FTO: variants seen among roughly 807,000 people sequenced by gnomAD.
FTO encodes FTO alpha-ketoglutarate dependent dioxygenase.
Under a neutral mutation model 63.9 loss-of-function variants are expected in FTO, and 47 were observed. The ratio of observed to expected loss-of-function variants is 0.74; its 90% CI spans 0.58 to 0.94. FTO has a LOEUF of 0.94. Among genes scored for constraint, FTO ranks in the 40% least tolerant of loss-of-function variants. FTO has a pLI of 0.00. For synonymous variants in FTO, 207 were observed against 224.4 expected (o/e 0.92, Z 0.69); for missense variants, 562 against 618.1 (o/e 0.91, Z 0.96).
chr16:53,725,549 C>T (rs1352765478), intron 1 of FTO, among the ~76,000 whole-genome samples: 1 of 152,170 alleles, frequency 6.6e-6, no homozygotes, highest in African/African-American at 2.4e-5. Flanking sequence ...GCTACATGCT[C>T]ATATAGTACT....
At chr16:54,004,533 A>G (rs765725417) in intron 8 of FTO, among the ~76,000 whole-genome samples, 9 of 152,192 alleles carry the variant, frequency 5.9e-5, no homozygotes, top group Non-Finnish European at 1.2e-4. Context: ...CACCATTATT[A>G]TGAACTAAGC....
At chr16:53,891,363 T>C (rs140250492) in intron 7 of FTO, among the ~76,000 whole-genome samples, 1 of 152,034 alleles carries the variant, frequency 6.6e-6, no homozygotes, top group Non-Finnish European at 1.5e-5. Context: ...TTTTTTATTT[T>C]TTTTAAGTAA....
chr16:53,998,010 C>T (rs12385988), intron 8 of FTO, among the ~76,000 whole-genome samples: 22,619 of 152,102 alleles, frequency 0.15, 2,198 homozygotes, highest in Non-Finnish European at 0.21. Flanking sequence ...CACTGTCTAG[C>T]GCACTTCCTA....
intron 8 of FTO, among the ~76,000 whole-genome samples, chr16:53,983,153 T>G (rs778327643): frequency 6.6e-6 from 1 of 152,128 alleles, no homozygotes; most frequent in African/African-American, 2.4e-5. Context: ...TTATAAAAAA[T>G]ATATCATGAA....
chr16:53,708,462 T>TA (rs2075682299), intron 1 of FTO, among the ~76,000 whole-genome samples: 1 of 152,244 alleles, frequency 6.6e-6, no homozygotes, highest in African/African-American at 2.4e-5. Flanking sequence ...TTTTGACTAT[T>TA]ATGGAAAATG....
intron 8 of FTO, among the ~76,000 whole-genome samples, chr16:54,034,955 G>A (rs572899215): frequency 6.6e-6 from 1 of 152,332 alleles, no homozygotes; most frequent in East Asian, 1.9e-4. Flanking sequence ...AACTAATGAT[G>A]TATGGTCACT....
At chr16:54,064,794 G>A (rs1240652641) in intron 8 of FTO, among the ~76,000 whole-genome samples, 2 of 152,122 alleles carry the variant, frequency 1.3e-5, no homozygotes, top group Non-Finnish European at 2.9e-5. Flanking sequence ...TAAAAAAGAG[G>A]GTGAGCCCCT....
rs545335720 is a variant in FTO, at chr16:53,716,475, C to T, written c.45+12246C>T. On this transcript the variant is annotated intron_variant, in intron 1 of 8. Transcript: ENST00000471389. ...TGGCTGAGTGATCTTGGGCAAGTCA[C>T]CTATTCTCCTTGAGCCTCAATCTTC... is the stretch of plus-strand genomic sequence containing the variant. Among the ~76,000 whole-genome samples, 12 of 152,136 alleles carry T rather than the reference C, an allele frequency of 7.9e-5. No individual in the cohort carries two copies. The East Asian group carries it at 1.9e-3, about 24-fold the overall frequency.
chr16:53,947,246 C>A (rs553507707), intron 8 of FTO, among the ~76,000 whole-genome samples: 15 of 152,158 alleles, frequency 9.9e-5, no homozygotes, highest in Non-Finnish European at 2.1e-4. Flanking sequence ...TTCTGCCAAT[C>A]CCTGGTGGTT....
At chr16:54,006,117 G>A (rs1248276056) in intron 8 of FTO, among the ~76,000 whole-genome samples, 2 of 152,174 alleles carry the variant, frequency 1.3e-5, no homozygotes, top group African/African-American at 4.8e-5. Flanking sequence ...AGCTGAACAT[G>A]ATTTCAAAGG....
At chr16:53,973,886 G>A (rs1207168645) in intron 8 of FTO, among the ~76,000 whole-genome samples, 1 of 152,178 alleles carries the variant, frequency 6.6e-6, no homozygotes, top group East Asian at 1.9e-4. Context: ...TGTAAAATGA[G>A]TGAAATGGAC....
At chr16:53,949,364 G>C (rs2082719228) in intron 8 of FTO, among the ~76,000 whole-genome samples, 1 of 152,136 alleles carries the variant, frequency 6.6e-6, no homozygotes, top group African/African-American at 2.4e-5. Flanking sequence ...AATACAAGAG[G>C]GTTTGAGCTT....
intron 7 of FTO, among the ~76,000 whole-genome samples, chr16:53,919,717 ACTGAAGTAACT>A (rs1178917808): frequency 1.3e-5 from 2 of 152,212 alleles, no homozygotes; most frequent in Non-Finnish European, 2.9e-5. Context: ...CATTGTTCTA[ACTGAAGTAACT>A]CAGGAATGGA....
At chr16:53,749,075 T>C (rs2076718103) in intron 1 of FTO, among the ~76,000 whole-genome samples, 1 of 152,218 alleles carries the variant, frequency 6.6e-6, no homozygotes, top group Non-Finnish European at 1.5e-5. Context: ...CTTGTAGCTA[T>C]TTTAAATGGG....
chr16:53,975,877 G>A (rs545846813), intron 8 of FTO, among the ~76,000 whole-genome samples: 1 of 152,112 alleles, frequency 6.6e-6, no homozygotes, highest in African/African-American at 2.4e-5. Flanking sequence ...ACTGATTATA[G>A]CAACCCTATG....
intron 8 of FTO, among the ~76,000 whole-genome samples, chr16:53,974,392 A>G (rs1031017353): frequency 4.6e-5 from 7 of 152,248 alleles, no homozygotes; most frequent in African/African-American, 1.4e-4. Flanking sequence ...GTTATTGTTC[A>G]GAATTGAAGC....
At chr16:54,031,206 A>T (rs1227814420) in intron 8 of FTO, among the ~76,000 whole-genome samples, 1 of 152,166 alleles carries the variant, frequency 6.6e-6, no homozygotes. Context: ...CATACATAAG[A>T]TCTTAGGGAA....
In FTO at chr16:53,921,638, G is replaced by A. The variant is rs995969145; in HGVS notation, c.1240-12347G>A. Among the ~76,000 whole-genome samples, 50 of 152,260 alleles carry A rather than the reference G, an allele frequency of 3.3e-4. 1 individual carries two copies. The highest frequency in any genetic ancestry group is 1.2e-3 in the African/African-American group (48 of 41,564). On this transcript the variant is annotated intron_variant, in intron 7 of 8. Coordinates refer to ENST00000471389, the MANE Select transcript of FTO (RefSeq NM_001080432.3). ...AAAGATAAAGATAAGGCAAGGCACCGTGGAAGTATTTGGAGAGAAGTCAGC... is the reference window on the plus strand; with the variant it reads ...AAAGATAAAGATAAGGCAAGGCACCATGGAAGTATTTGGAGAGAAGTCAGC...
intron 1 of FTO, among the ~76,000 whole-genome samples, chr16:53,713,693 T>C (rs1207591916): frequency 2.6e-5 from 4 of 152,160 alleles, no homozygotes; most frequent in African/African-American, 9.7e-5. Context: ...CTTGAATTGG[T>C]GCCATGGTTT....
Sources: gnomAD v4.1 joint callset for allele counts (sites outside exome capture counted in the v4.1 genomes callset) on GRCh38, gnomAD v4.1.1 for gene constraint, MANE v1.5 for transcripts, NCBI Gene and HGNC (gene_info 2026-07-23, HGNC 2026-07-21) for gene names.